Variants in ANKFN1 observed in about 807,000 individuals in gnomAD.
ANKFN1 encodes the protein ankyrin repeat and fibronectin type III domain containing 1.
A neutral mutation model predicts 108.7 loss-of-function variants in ANKFN1; 74 were observed. The ratio of observed to expected loss-of-function variants is 0.68; its 90% confidence interval spans 0.56 to 0.83. The LOEUF (loss-of-function observed/expected upper bound fraction) is 0.83. Among genes scored for constraint, ANKFN1 ranks in the 40% least tolerant of loss-of-function variants. The probability of loss-of-function intolerance (pLI) is 0.00; values close to 1 mark genes in which losing one functional copy is unlikely to be tolerated. For missense variants in ANKFN1, 1,505 were observed against 1,382.3 expected (o/e 1.09, Z -1.41); for synonymous variants, 547 against 516.2 (o/e 1.06, Z -0.81).
At chr17:56,211,347 T>C (rs1371361768) in intron 1 of ANKFN1, among the ~76,000 whole-genome samples, 1 of 152,214 alleles carries the variant, frequency 6.6e-6, no homozygotes, top group East Asian at 1.9e-4. Flanking sequence ...CAGCACCATT[T>C]GTTGAATAGG....
chr17:56,055,596 T>TATATAC lies in ANKFN1; in HGVS notation c.288+9272_288+9273insTATACA, dbSNP rs768200056. 4.5e-3 allele frequency among the ~76,000 whole-genome samples: 589 copies of TATATAC among 130,568 alleles called. 21 individuals carry two copies. Among genetic ancestry groups the TATATAC allele is most frequent in the Non-Finnish European group, 6.6e-3 (417 of 62,818 alleles). The allele number at this position is 130,568 out of a possible 152,430, so 85.7% of individuals were successfully genotyped here. A position where few individuals can be genotyped will look rare whatever the true frequency, so the allele number is the denominator to read the frequency against. On this transcript the variant is annotated intron_variant, in intron 4 of 12. Transcript: ENST00000635860. ...ATATATATATATATATATGTATATATACACATTTTTTTATCCAGTCAATCA... is the reference window on the plus strand; with the variant it reads ...ATATATATATATATATATGTATATATATATACACACATTTTTTTATCCAGTCAATCA...
intron 4 of ANKFN1, among the ~76,000 whole-genome samples, chr17:56,055,596 T>TATATATACAC (rs768200056): frequency 7.7e-6 from 1 of 130,638 alleles, no homozygotes; most frequent in South Asian, 2.4e-4. Context: ...TATGTATATA[T>TATATATACAC]ACACATTTTT....
intron 4 of ANKFN1, among the ~76,000 whole-genome samples, chr17:56,103,061 G>A (rs1190509172): frequency 6.6e-6 from 1 of 152,180 alleles, no homozygotes; most frequent in Non-Finnish European, 1.5e-5. Flanking sequence ...ATTTAATAGG[G>A]CTGCTACCTC....
rs149849509 is a variant in ANKFN1 at position 56,353,911 on chromosome 17, C to G, written c.466C>G (p.Gln156Glu). Residue 156 changes from glutamine to glutamate, a missense_variant, in exon 6 of 21, where the codon CAG becomes GAG. Coordinates refer to ENST00000682825, the MANE Select transcript of ANKFN1 (RefSeq NM_001370326.1). ...GGATGCTGTGCAGATCCTCCTGTATCAGTACACACCAGAAGAACTTGACCT... is the reference window on the plus strand; with the variant it reads ...GGATGCTGTGCAGATCCTCCTGTATGAGTACACACCAGAAGAACTTGACCT... ...DMDAVQILLYQYTPEELDLNT... is the reference protein window; with the variant it reads ...DMDAVQILLYEYTPEELDLNT... The G allele has an allele frequency of 1.9e-6, 3 of 1,613,880 alleles. No individual in the cohort carries two copies. The highest frequency in any genetic ancestry group is 2.5e-6 in the Non-Finnish European group (3 of 1,179,968).
intron 3 of ANKFN1, among the ~76,000 whole-genome samples, chr17:56,287,072 G>T (rs1473835646): frequency 6.6e-6 from 1 of 152,158 alleles, no homozygotes; most frequent in Non-Finnish European, 1.5e-5. Context: ...ACAGTTGCAA[G>T]ATCTTTGCAT....
intron 18 of ANKFN1, among the ~76,000 whole-genome samples, chr17:56,483,573 G>A (rs533087236): frequency 6.6e-6 from 1 of 152,206 alleles, no homozygotes; most frequent in African/African-American, 2.4e-5. Flanking sequence ...AGAGGAGGGA[G>A]TGTTCTTACA....
chr17:56,365,797 G>A (rs546810364), intron 6 of ANKFN1, among the ~76,000 whole-genome samples: 30 of 152,294 alleles, frequency 2.0e-4, no homozygotes, highest in African/African-American at 7.2e-4. Flanking sequence ...TGTGCTGCCA[G>A]TCATATAAAA....
chr17:56,357,471 C>G (rs553289442), intron 6 of ANKFN1, among the ~76,000 whole-genome samples: 1 of 152,314 alleles, frequency 6.6e-6, no homozygotes, highest in South Asian at 2.1e-4. Flanking sequence ...ACTGCCTTTC[C>G]ACATAACCAA....
chr17:56,480,888 G>GGT (rs749625590), intron 17 of ANKFN1, 70 bp downstream of exon 17: 33,949 of 1,326,484 alleles, frequency 0.026, 241 homozygotes, highest in African/African-American at 0.029. Context: ...CATTAAGTGG[G>GGT]GTGTGTGTGT....
intron 3 of ANKFN1, among the ~76,000 whole-genome samples, chr17:56,241,971 G>A (rs8066121): frequency 0.04 from 6,112 of 152,138 alleles, 150 homozygotes; most frequent in African/African-American, 0.066. Flanking sequence ...GTGGGATGGT[G>A]TGAGACTTCA....
intron 8 of ANKFN1, among the ~76,000 whole-genome samples, chr17:56,391,612 C>G (rs6505054): frequency 0.76 from 114,566 of 151,582 alleles, 43,481 homozygotes; most frequent in East Asian, 0.96. Flanking sequence ...ATTTTTAGTA[C>G]AGACAGGGTT....
At chr17:56,294,546 G>A (rs998005323) in intron 3 of ANKFN1, among the ~76,000 whole-genome samples, 2 of 152,216 alleles carry the variant, frequency 1.3e-5, no homozygotes, top group East Asian at 1.9e-4. Context: ...AGAGGGAGTA[G>A]AGGTTTGAGA....
rs150103804 is a variant in ANKFN1 at position 56,418,058 on chromosome 17, G to A, written c.911-22269G>A. Among the ~76,000 whole-genome samples the A allele has an allele frequency of 2.4e-4, 37 of 152,218 alleles. No individual in the cohort carries two copies. The East Asian group carries it at 4.6e-3, about 19-fold the overall frequency. The stretch of plus-strand genomic sequence containing the variant: ...AGTCTTCTACTATCCAATAGAAATC[G>A]TTTGGCAAAACTTCCCCAGGACTTT... On this transcript the variant is annotated intron_variant, in intron 8 of 20. Transcript: ENST00000682825.
chr17:56,241,926 GGACA>G (rs1160879025), intron 3 of ANKFN1, among the ~76,000 whole-genome samples: 1 of 152,034 alleles, frequency 6.6e-6, no homozygotes, highest in Non-Finnish European at 1.5e-5. Context: ...TGGATATGCT[GGACA>G]GAGAGAGGAT....
chr17:56,322,700 C>T (rs1186276857), intron 3 of ANKFN1, among the ~76,000 whole-genome samples: 1 of 152,186 alleles, frequency 6.6e-6, no homozygotes, highest in Admixed American at 6.5e-5. Context: ...ATCTTCATTC[C>T]TCCAGTTCCA....
chr17:56,050,314 T>G (rs1458949732), intron 4 of ANKFN1, among the ~76,000 whole-genome samples: 3 of 149,950 alleles, frequency 2.0e-5, no homozygotes, highest in Non-Finnish European at 4.4e-5. Context: ...ATGAGTAGGT[T>G]GCGGAAATTT....
chr17:56,170,712 A>C (rs1005790152), intron 1 of ANKFN1, among the ~76,000 whole-genome samples: 1 of 148,668 alleles, frequency 6.7e-6, no homozygotes, highest in African/African-American at 2.5e-5. Context: ...GCAGTGAGCC[A>C]AAATCACACC....
chr17:56,449,116 G>A lies in ANKFN1; in HGVS notation c.1137G>A (p.Lys379=), dbSNP rs972730205. The A allele has an allele frequency of 3.8e-5, 61 of 1,613,356 alleles. No homozygotes were observed. The highest frequency in any genetic ancestry group is 4.9e-5 in the Non-Finnish European group (58 of 1,179,592). ...KDYDDREPRH[K]GQSEVLEGLL... The stretch of plus-strand genomic sequence containing the variant: ...ATGACGACAGAGAGCCCAGACACAA[G>A]GGACAGAGTGAAGTTTTGGAAGGTC... The change falls in exon 11 of 21, where the codon AAG becomes AAA. Residue 379 remains lysine (K), a synonymous_variant. Coordinates refer to ENST00000682825, the MANE Select transcript of ANKFN1 (RefSeq NM_001370326.1).
At chr17:56,194,220 C>G (rs539140116) in intron 1 of ANKFN1, among the ~76,000 whole-genome samples, 3 of 152,254 alleles carry the variant, frequency 2.0e-5, no homozygotes, top group Admixed American at 2.0e-4. Context: ...CTTACAAGAC[C>G]GAACATACTT....
Sources: gnomAD v4.1 joint callset for allele counts (sites outside exome capture counted in the v4.1 genomes callset) on GRCh38, gnomAD v4.1.1 for gene constraint, MANE v1.5 for transcripts, NCBI Gene and HGNC (gene_info 2026-07-23, HGNC 2026-07-21) for gene names.